Variants in SYNPO observed in about 807,000 individuals in gnomAD.
The protein encoded by SYNPO is synaptopodin.
A neutral mutation model predicts 49.5 loss-of-function variants in SYNPO; 19 were observed. The observed-to-expected ratio is 0.38, with a 90% CI of 0.27 to 0.56. SYNPO has a LOEUF of 0.56. Ranked by LOEUF, SYNPO falls within the 20% of genes least tolerant of loss-of-function variation. SYNPO has a pLI of 0.68. For missense variants in SYNPO, 1,131 were observed against 1,248.3 expected (o/e 0.91, Z 1.42); for synonymous variants, 536 against 548.0 (o/e 0.98, Z 0.31).
intron 2 of SYNPO, among the ~76,000 whole-genome samples, chr5:150,619,782 C>A (rs987483105): frequency 6.6e-6 from 1 of 152,196 alleles, no homozygotes; most frequent in African/African-American, 2.4e-5. Flanking sequence ...GGCATCTCAC[C>A]AGCCTTCCCG....
chr5:150,603,792 G>T (rs1243050469), intron 1 of SYNPO, among the ~76,000 whole-genome samples: 1 of 152,214 alleles, frequency 6.6e-6, no homozygotes, highest in Non-Finnish European at 1.5e-5. Context: ...CCCTAGGCAA[G>T]CTCCTTGCCC....
Position 150,657,226 on chromosome 5 carries a change from G to T in SYNPO, c.*139G>T. On this transcript the variant is annotated 3_prime_UTR_variant, in exon 3 of 3. Transcript: ENST00000307662. ...GAGGAGAGCTCTGGGGTTGGGGATGGGTTAGGGACGCAAGCTTGAGTTCTA... is the reference window on the plus strand; with the variant it reads ...GAGGAGAGCTCTGGGGTTGGGGATGTGTTAGGGACGCAAGCTTGAGTTCTA... 1.1e-6 allele frequency: 1 copy of T among 927,040 alleles called. No homozygotes were observed. The allele number at this position is 927,040 out of a possible 1,614,324, so 57.4% of individuals were successfully genotyped here.
the SYNPO span, among the ~76,000 whole-genome samples, chr5:150,595,887 G>A: frequency 2.5e-4 from 34 of 137,236 alleles, no homozygotes; most frequent in African/African-American, 7.9e-4. Flanking sequence ...CTGCCTTCCC[G>A]TAAGTCGGCC....
intron 1 of SYNPO, among the ~76,000 whole-genome samples, chr5:150,617,314 T>C (rs1479662440): frequency 2.0e-5 from 3 of 152,012 alleles, no homozygotes; most frequent in African/African-American, 7.3e-5. Context: ...TTGTTTTTTT[T>C]GGCTGAGTTT....
intron 2 of SYNPO, among the ~76,000 whole-genome samples, chr5:150,627,868 G>A (rs1403842497): frequency 6.6e-6 from 1 of 152,162 alleles, no homozygotes; most frequent in Non-Finnish European, 1.5e-5. Context: ...GGGACCAGTG[G>A]CAGGGACTGG....
chr5:150,627,523 C>T (rs752068557), intron 2 of SYNPO, among the ~76,000 whole-genome samples: 1 of 152,200 alleles, frequency 6.6e-6, no homozygotes, highest in Non-Finnish European at 1.5e-5. Flanking sequence ...GCCCTCAAGG[C>T]ACTTGCATTT....
At chr5:150,642,751 A>G (rs1284440385) in intron 1 of SYNPO, among the ~76,000 whole-genome samples, 1 of 152,174 alleles carries the variant, frequency 6.6e-6, no homozygotes, top group Non-Finnish European at 1.5e-5. Context: ...TTCCTTTTCC[A>G]TGGAGTCACT....
chr5:150,656,723 T>C lies in SYNPO; in HGVS notation c.2348T>C (p.Phe783Ser), dbSNP rs1252033538. 1.5e-6 allele frequency: 2 copies of C among 1,365,374 alleles called. No individual in the cohort carries two copies. Among genetic ancestry groups the C allele is most frequent in the East Asian group, 3.1e-5 (1 of 31,922 alleles). The allele number at this position is 1,365,374 out of a possible 1,614,324, so 84.6% of individuals were successfully genotyped here. The change falls in exon 3 of 3, where the codon TTC becomes TCC. Residue 783 changes from phenylalanine to serine, a missense_variant. Phe to Ser is a radical substitution (Grantham distance 155). Around this residue, in one of 4 missense-constraint regions of SYNPO, gnomAD observed 509 missense variants for 484.5 expected, o/e 1.05. Coordinates refer to ENST00000307662, the MANE Select transcript of SYNPO (RefSeq NM_007286.6). ...RSAGAENPRPFSPPRAPPPPP... is the reference protein window; with the variant it reads ...RSAGAENPRPSSPPRAPPPPP... ...GCGGGCGCCGAGAACCCGCGGCCCT[T>C]CTCCCCGCCGAGGGCGCCACCGCCC...
Position 150,648,335 on chromosome 5 carries a change from G to A in SYNPO, c.60G>A (p.Glu20=). The part of the protein sequence containing the change: ...LLRHLEKVAS[E]EEEVPLVVYL... ...GGCACCTGGAGAAGGTGGCCAGTGA[G>A]GAGGAAGAGGTACCACTGGTGGTTT... Residue 20 remains glutamate (E), a synonymous_variant, in exon 2 of 3, where the codon GAG becomes GAA. Coordinates refer to ENST00000307662, the MANE Select transcript of SYNPO (RefSeq NM_007286.6). This position sits in a 1 kb window ranked among gnomAD's most constrained non-coding sequence, Gnocchi z 5.0. The A allele has an allele frequency of 6.2e-7, 1 of 1,614,216 alleles. No individual in the cohort carries two copies. Among genetic ancestry groups the A allele is most frequent in the Non-Finnish European group, 8.5e-7 (1 of 1,180,024 alleles).
chr5:150,624,606 C>T (rs1424131592), intron 2 of SYNPO: 1 of 153,112 alleles, frequency 6.5e-6, no homozygotes, highest in African/African-American at 2.4e-5. Flanking sequence ...GAGTCGCACC[C>T]CCAGGGCTGG....
chr5:150,608,766 A>T (rs1285330722), intron 1 of SYNPO, among the ~76,000 whole-genome samples: 2 of 152,156 alleles, frequency 1.3e-5, no homozygotes, highest in Admixed American at 6.5e-5. Flanking sequence ...CTGTGATTTA[A>T]TTTGTCTGGG....
chr5:150,621,235 G>A (rs905176264), intron 2 of SYNPO, among the ~76,000 whole-genome samples: 1 of 152,158 alleles, frequency 6.6e-6, no homozygotes, highest in Admixed American at 6.5e-5. Context: ...TTATAGGCGT[G>A]AGCCACCGCA....
upstream of SYNPO, chr5:150,640,260 G>A (rs759278780): frequency 4.4e-5 from 34 of 773,388 alleles, no homozygotes; most frequent in East Asian, 1.3e-4. Context: ...TAGGTAGGCC[G>A]GAAATCTGAA....
At chr5:150,638,950 G>T (rs1757804029), upstream of SYNPO, among the ~76,000 whole-genome samples, 1 of 152,238 alleles carries the variant, frequency 6.6e-6, no homozygotes, top group Non-Finnish European at 1.5e-5. Flanking sequence ...GACTGGAGAG[G>T]TGGAAGCCTG....
At chr5:150,650,556 G>A (rs1758338969) in intron 2 of SYNPO, 13 of 1,462,058 alleles carry the variant, frequency 8.9e-6, no homozygotes, top group Non-Finnish European at 1.1e-5. Context: ...CGGACTCCAT[G>A]TCTGAGCGGG....
At chr5:150,626,608 A>C (rs1259041250) in intron 2 of SYNPO, among the ~76,000 whole-genome samples, 1 of 152,154 alleles carries the variant, frequency 6.6e-6, no homozygotes, top group African/African-American at 2.4e-5. Flanking sequence ...TTCCCTCCCT[A>C]GTCAGCTGTT....
exon 2 of SYNPO, chr5:150,618,385 C>G (rs1757039663): frequency 3.2e-6 from 5 of 1,550,646 alleles, no homozygotes; most frequent in Non-Finnish European, 4.4e-6. Flanking sequence ...GTCCTCACCT[C>G]CCACCTCCGC....
At chr5:150,594,783 A>G in the SYNPO span, among the ~76,000 whole-genome samples, 1 of 152,170 alleles carries the variant, frequency 6.6e-6, no homozygotes, top group Non-Finnish European at 1.5e-5. Flanking sequence ...CGGATGATAA[A>G]ACTGAGGCTC....
Position 150,656,498 on chromosome 5 carries a change from G to C in SYNPO, c.2123G>C (p.Trp708Ser). The C allele has an allele frequency of 6.5e-7, 1 of 1,532,328 alleles. No homozygotes were observed. Among genetic ancestry groups the C allele is most frequent in the Non-Finnish European group, 8.7e-7 (1 of 1,145,442 alleles). 94.9% of individuals were successfully genotyped at this position (1,532,328 alleles called of 1,614,324 possible). Reference protein sequence around the residue: ...SLDGWVSPGPWEPGRGSSMSS... With the variant: ...SLDGWVSPGPSEPGRGSSMSS... ...GACGGCTGGGTGAGCCCGGGCCCGT[G>C]GGAGCCAGGTCGCGGGAGCAGCATG... is the stretch of plus-strand genomic sequence containing the variant. Residue 708 changes from tryptophan (W) to serine (S), a missense_variant, in exon 3 of 3, where the codon TGG becomes TCG. Transcript: ENST00000307662.
Sources: gnomAD v4.1 joint callset for allele counts (sites outside exome capture counted in the v4.1 genomes callset) on GRCh38, gnomAD v4.1.1 for gene constraint, gnomAD v4.1.1 regional missense constraint, Gnocchi (gnomAD v3.1) non-coding constraint, MANE v1.5 for transcripts, NCBI Gene and HGNC (gene_info 2026-07-23, HGNC 2026-07-21) for gene names.